PPP4R1: variants seen among roughly 807,000 people sequenced by gnomAD.
The protein encoded by PPP4R1 is protein phosphatase 4 regulatory subunit 1, also known as serine/threonine-protein phosphatase 4 regulatory subunit 1.
In PPP4R1, 42 loss-of-function variants were observed where a neutral mutation model predicts 111.2. That is an observed-to-expected ratio of 0.38 (90% confidence interval 0.29 to 0.49). The LOEUF is 0.49. Ranked by LOEUF, PPP4R1 falls within the 20% of genes least tolerant of loss-of-function variation. The pLI is 0.97. For synonymous variants in PPP4R1, 409 were observed against 405.5 expected, an observed-to-expected ratio of 1.01 and a Z score of -0.10; for missense variants, 1,012 against 1,161.6, an observed-to-expected ratio of 0.87 and a Z score of 1.87.
Position 9,597,544 on chromosome 18 carries a change from G to A in PPP4R1, c.53-2391C>T, listed in dbSNP as rs77530152. ...AATTACCTGAAACGATCAAGTGAAC[G>A]AATCCTCGATTATCACAAAGGACAA... On this transcript the variant is annotated intron_variant, in intron 2 of 19. Coordinates refer to ENST00000400556, the MANE Select transcript of PPP4R1 (RefSeq NM_001042388.3). 1.5e-3 allele frequency among the ~76,000 whole-genome samples: 224 copies of A among 152,274 alleles called. 3 individuals are homozygous for A. In the East Asian group the frequency reaches 0.035, roughly 24 times the overall value.
At chr18:9,564,464 T>C (rs1322189645) in intron 11 of PPP4R1, among the ~76,000 whole-genome samples, 2 of 152,216 alleles carry the variant, frequency 1.3e-5, no homozygotes, top group Non-Finnish European at 2.9e-5. Context: ...GATGAGGTTC[T>C]AGTCTATTAG....
chr18:9,595,770 A>G (rs2067280617), intron 2 of PPP4R1, among the ~76,000 whole-genome samples: 1 of 152,172 alleles, frequency 6.6e-6, no homozygotes, highest in South Asian at 2.1e-4. Flanking sequence ...AAAAGGCCAG[A>G]CACCCATTCA....
At chr18:9,566,951 G>A (rs1486495235) in intron 11 of PPP4R1, among the ~76,000 whole-genome samples, 2 of 152,166 alleles carry the variant, frequency 1.3e-5, no homozygotes, top group Non-Finnish European at 2.9e-5. Flanking sequence ...AGACAATGTT[G>A]TTTTCATACC....
Position 9,548,419 on chromosome 18 carries a change from G to A in PPP4R1, c.2690-467C>T, listed in dbSNP as rs563320899. Among the ~76,000 whole-genome samples the A allele has an allele frequency of 6.7e-5, 10 of 149,554 alleles. No homozygotes were observed. The East Asian group carries it at 2.0e-3, about 30-fold the overall frequency. On this transcript the variant is annotated intron_variant, in intron 19 of 19. Coordinates refer to ENST00000400556, the MANE Select transcript of PPP4R1 (RefSeq NM_001042388.3). ...TTGGGCGGCAGGCGGCGGGGGGGTC[G>A]ATTAAAATAAATAAACCACCTTTAA...
chr18:9,558,803 GAGGTC>G (rs1001376390), intron 14 of PPP4R1, among the ~76,000 whole-genome samples: 31 of 152,144 alleles, frequency 2.0e-4, no homozygotes, highest in African/African-American at 7.0e-4. Context: ...CCTGGCAGGG[GAGGTC>G]AGGTCATCAA....
chr18:9,602,366 C>T (rs1325178862), intron 2 of PPP4R1, among the ~76,000 whole-genome samples: 2 of 49,804 alleles, frequency 4.0e-5, no homozygotes, highest in Non-Finnish European at 6.9e-5. Flanking sequence ...CCCATCTCTA[C>T]TAAAAAAAAA....
chr18:9,591,003 T>C (rs2067202003), intron 4 of PPP4R1, among the ~76,000 whole-genome samples: 1 of 152,042 alleles, frequency 6.6e-6, no homozygotes, highest in East Asian at 1.9e-4. Flanking sequence ...CCTGTAAATC[T>C]GTAAGAAAAT....
intron 9 of PPP4R1, 59 bp from the exon 10 acceptor site, chr18:9,577,250 A>G (rs998844276): frequency 6.8e-7 from 1 of 1,476,432 alleles, no homozygotes; most frequent in African/African-American, 1.4e-5. Context: ...TTATATACGC[A>G]CACATTATGT....
intron 16 of PPP4R1, among the ~76,000 whole-genome samples, chr18:9,552,658 A>C (rs2066507790): frequency 6.6e-6 from 1 of 152,192 alleles, no homozygotes; most frequent in Non-Finnish European, 1.5e-5. Flanking sequence ...TTGCAAATTC[A>C]CCTCAAAAGA....
intron 15 of PPP4R1, chr18:9,556,834 G>C (rs2066595002): frequency 6.3e-6 from 1 of 157,854 alleles, no homozygotes; most frequent in African/African-American, 2.4e-5. Context: ...TGTGAAACTG[G>C]AGTACACGGA....
intron 2 of PPP4R1, among the ~76,000 whole-genome samples, chr18:9,601,749 TC>T: frequency 6.6e-6 from 1 of 152,032 alleles, no homozygotes; most frequent in Non-Finnish European, 1.5e-5. Context: ...CGCCCTGGCC[TC>T]CCAAAGTGCT....
chr18:9,598,024 G>GA (rs2067317874), intron 2 of PPP4R1, among the ~76,000 whole-genome samples: 1 of 151,796 alleles, frequency 6.6e-6, no homozygotes, highest in Non-Finnish European at 1.5e-5. Context: ...TTTTAGAGAT[G>GA]AAAAAAAGAT....
chr18:9,593,996 C>T (rs1469957979), intron 3 of PPP4R1, 122 bp from the exon 4 acceptor site: 19 of 711,776 alleles, frequency 2.7e-5, no homozygotes, highest in Middle Eastern at 2.5e-4. Flanking sequence ...GGTGTGATCA[C>T]GGCTAACTGC....
Position 9,570,170 on chromosome 18 carries a change from A to C in PPP4R1, c.1560T>G (p.Asp520Glu). ...MIENLEPHID[D>E]PDVKAQVEVL... is the part of the protein sequence containing the mutation. Reference sequence around the variant, plus strand: ...TGACTTCCATACCTTTAACATCTGGATCATCAATGTGGGGCTCTAGATTTT... The same window carrying C: ...TGACTTCCATACCTTTAACATCTGGCTCATCAATGTGGGGCTCTAGATTTT... Residue 520 changes from aspartate to glutamate, a missense_variant, in exon 11 of 20, where the codon GAT (aspartate) becomes GAG (glutamate). By Grantham distance (45) the Asp-to-Glu change is conservative. Coordinates refer to ENST00000400556, the MANE Select transcript of PPP4R1 (RefSeq NM_001042388.3). 6.6e-7 allele frequency: 1 copy of C among 1,516,458 alleles called. No homozygotes were observed. The highest frequency in any genetic ancestry group is 8.8e-7 in the Non-Finnish European group (1 of 1,132,946). The allele number at this position is 1,516,458 out of a possible 1,614,324, so 93.9% of individuals were successfully genotyped here.
In PPP4R1 at chr18:9,549,288, G is replaced by C. The variant is rs772356956; in HGVS notation, c.2598C>G (p.Leu866=). The C allele has an allele frequency of 1.9e-6, 3 of 1,613,718 alleles. No homozygotes were observed. The highest frequency in any genetic ancestry group is 3.3e-5 in the Admixed American group (2 of 60,016). The change falls in exon 19 of 20, where the codon CTC becomes CTG. Residue 866 remains leucine, a synonymous_variant. Coordinates refer to ENST00000400556, the MANE Select transcript of PPP4R1 (RefSeq NM_001042388.3). The stretch of plus-strand genomic sequence containing the variant: ...TTGCTAAGGTTAGCAGATGCGGCAT[G>C]AGATGCACAGCAAACTGGTCCATGG... ...CLPMDQFAVH[L]MPHLLTLAND...
intron 15 of PPP4R1, among the ~76,000 whole-genome samples, chr18:9,554,252 C>T (rs573470967): frequency 3.9e-5 from 6 of 151,960 alleles, no homozygotes; most frequent in Admixed American, 3.3e-4. Flanking sequence ...CTCAGCCTCC[C>T]GAGTAGCTGG....
intron 15 of PPP4R1, among the ~76,000 whole-genome samples, chr18:9,554,240 G>T (rs1427347065): frequency 6.6e-6 from 1 of 150,982 alleles, no homozygotes; most frequent in African/African-American, 2.4e-5. Context: ...CGATTCTCCT[G>T]CCTCAGCCTC....
chr18:9,614,867 C>T (rs2067666466), upstream of PPP4R1: 1 of 150,340 alleles, frequency 6.7e-6, no homozygotes, highest in South Asian at 2.1e-4. The surrounding 1 kb of genome is among the most constrained non-coding windows in gnomAD (Gnocchi z 4.1). Context: ...GGCCGGGACC[C>T]TGCGGCGAGT....
intron 12 of PPP4R1, 124 bp downstream of exon 12, chr18:9,563,254 G>C: frequency 7.7e-7 from 1 of 1,291,240 alleles, no homozygotes. Flanking sequence ...GCAAAACGAA[G>C]AGCTAAAAAA....
Sources: allele counts gnomAD v4.1 joint callset (sites outside exome capture counted in the v4.1 genomes callset), GRCh38; gene constraint gnomAD v4.1.1; non-coding constraint Gnocchi (gnomAD v3.1); transcripts MANE v1.5; gene names NCBI Gene and HGNC (gene_info 2026-07-23, HGNC 2026-07-21).